The following CATIP variants were observed in gnomAD, a reference collection of about 807,000 sequenced individuals.
The protein encoded by CATIP is ciliogenesis associated TTC17 interacting protein, also known as ciliogenesis-associated TTC17-interacting protein.
A neutral mutation model predicts 42.5 loss-of-function variants in CATIP; 40 were observed. The ratio of observed to expected loss-of-function variants is 0.94; its 90% CI spans 0.73 to 1.22. The LOEUF is 1.22. Ranked by LOEUF, CATIP falls within the 50% of genes most tolerant of loss-of-function variation. The pLI is 0.00. For missense variants in CATIP, 489 were observed against 496.0 expected (o/e 0.99, Z 0.13); for synonymous variants, 222 against 200.2 (o/e 1.11, Z -0.92).
intron 5 of CATIP, among the ~76,000 whole-genome samples, chr2:218,361,820 A>C (rs1396604330): frequency 6.6e-6 from 1 of 152,114 alleles, no homozygotes; most frequent in Non-Finnish European, 1.5e-5. Context: ...TTCTTTCACA[A>C]TGTCCTCTTC....
chr2:218,366,336 G>T (rs2106318690), intron 7 of CATIP: 1 of 152,658 alleles, frequency 6.6e-6, no homozygotes, highest in East Asian at 1.9e-4. Flanking sequence ...TGTTGGCCAG[G>T]CTGGTCTCAA....
Position 218,364,736 on chromosome 2 carries a change from T to C in CATIP, c.739T>C (p.Tyr247His). ...GGGCATCCCCATGTCCTGCCAGTAC[T>C]ACCTGCTCTCCGATGGGTGAGCTGC... ...EEGIPMSCQY[Y>H]LLSDGHLAKR... The change falls in exon 7 of 10, where the codon TAC becomes CAC. Residue 247 changes from tyrosine to histidine, a missense_variant. Physicochemically the swap from Tyr to His is moderately conservative, Grantham distance 83 (BLOSUM62 2). Coordinates refer to ENST00000289388, the MANE Select transcript of CATIP (RefSeq NM_198559.2). 1 of 1,613,402 alleles carries C rather than the reference T, an allele frequency of 6.2e-7. No homozygotes were observed. Among genetic ancestry groups the C allele is most frequent in the East Asian group, 2.2e-5 (1 of 44,810 alleles).
In CATIP at chr2:218,360,557, A is replaced by G. The variant is rs1259682981; in HGVS notation, c.376-16A>G. On this transcript the variant is annotated splice_polypyrimidine_tract_variant and intron_variant, in intron 4 of 9. Coordinates refer to ENST00000289388, the MANE Select transcript of CATIP (RefSeq NM_198559.2). ...CAGGGAGTCCCTGATCCTCCCCCGC[A>G]TGCTCTGGCCCTCAGTTCCTCATCC... 2 of 1,609,236 alleles carry G rather than the reference A, an allele frequency of 1.2e-6. No individual in the cohort carries two copies. Among genetic ancestry groups the G allele is most frequent in the African/African-American group, 2.7e-5 (2 of 74,816 alleles).
At chr2:218,366,890 C>T (rs1695462005) in intron 7 of CATIP, 134 bp from the exon 8 acceptor site, 3 of 717,508 alleles carry the variant, frequency 4.2e-6, no homozygotes, top group South Asian at 3.0e-5. Flanking sequence ...ACCCTTATGA[C>T]TGCATGTAAA....
In CATIP at chr2:218,368,074, G is replaced by A; in HGVS notation, c.*110G>A. ...GGCTGCGGTTTTGGGGGAATAAATG[G>A]GGCCCTCCCGCTTCTCTGCAGCGCC... On this transcript the variant is annotated 3_prime_UTR_variant, in exon 10 of 10. Transcript: ENST00000289388. 1 of 1,284,544 alleles carries A rather than the reference G, an allele frequency of 7.8e-7. No homozygotes were observed. The highest frequency in any genetic ancestry group is 1.0e-6 in the Non-Finnish European group (1 of 971,118). The allele number at this position is 1,284,544 out of a possible 1,614,324, so 79.6% of individuals were successfully genotyped here.
Position 218,358,054 on chromosome 2 carries a change from C to G in CATIP, c.337C>G (p.Leu113Val). Reference protein sequence around the residue: ...NSLLGYLSEKLELMEQHSQDF... With the variant: ...NSLLGYLSEKVELMEQHSQDF... ...CACCCCAGGCTATCTCTCAGAGAAG[C>G]TGGAGCTCATGGAACAGCACAGCCA... The change falls in exon 4 of 10, where the codon CTG (leucine) becomes GTG (valine). Residue 113 changes from leucine to valine, a missense_variant. By Grantham distance (32) the Leu-to-Val change is conservative. Coordinates refer to ENST00000289388, the MANE Select transcript of CATIP (RefSeq NM_198559.2). 1.2e-6 allele frequency: 2 copies of G among 1,614,156 alleles called. No homozygotes were observed. Among genetic ancestry groups the G allele is most frequent in the Non-Finnish European group, 1.7e-6 (2 of 1,180,010 alleles).
chr2:218,360,868 T>C (rs907812839), intron 5 of CATIP, among the ~76,000 whole-genome samples: 1 of 151,094 alleles, frequency 6.6e-6, no homozygotes, highest in African/African-American at 2.4e-5. Flanking sequence ...TTCACATTTG[T>C]TGCAGAGGCT....
rs773646123 is a variant in CATIP at position 218,367,997 on chromosome 2, A to G, written c.*33A>G. On this transcript the variant is annotated 3_prime_UTR_variant, in exon 10 of 10. Transcript: ENST00000289388. ...CCAGGCCCGGACAGGGCAGGAAACC[A>G]GGGGTCGGGCTGGGACGCGGGCGGG... is the stretch of plus-strand genomic sequence containing the variant. 1 of 1,502,352 alleles carries G rather than the reference A, an allele frequency of 6.7e-7. No individual in the cohort carries two copies. The highest frequency in any genetic ancestry group is 8.8e-7 in the Non-Finnish European group (1 of 1,130,090). The allele number at this position is 1,502,352 out of a possible 1,614,324, so 93.1% of individuals were successfully genotyped here.
At position 218,364,706 on chromosome 2, in the gene CATIP, G is replaced by A; in HGVS notation, c.709G>A (p.Glu237Lys). ...CATCGTGGAGCAGACTGTCCACGCGGAGGAGGGCATCCCCATGTCCTGCCA... is the reference window on the plus strand; with the variant it reads ...CATCGTGGAGCAGACTGTCCACGCGAAGGAGGGCATCCCCATGTCCTGCCA... ...VFIVEQTVHAEEGIPMSCQYY... is the reference protein window; with the variant it reads ...VFIVEQTVHAKEGIPMSCQYY... Residue 237 changes from glutamate (E) to lysine (K), a missense_variant, in exon 7 of 10, where the codon GAG becomes AAG. Glu to Lys is a moderately conservative substitution (Grantham distance 56). Coordinates refer to ENST00000289388, the MANE Select transcript of CATIP (RefSeq NM_198559.2). 6.2e-7 allele frequency: 1 copy of A among 1,613,954 alleles called. No homozygotes were observed. The highest frequency in any genetic ancestry group is 1.1e-5 in the South Asian group (1 of 91,052).
intron 5 of CATIP, among the ~76,000 whole-genome samples, 170 bp downstream of exon 5, chr2:218,360,829 G>GTTT (rs779798449): frequency 2.2e-5 from 3 of 137,478 alleles, no homozygotes; most frequent in African/African-American, 8.4e-5. Context: ...GGCACAGCTT[G>GTTT]TTTTTTTTTT....
At chr2:218,362,963 G>T (rs1010205301) in intron 6 of CATIP, 61 bp downstream of exon 6, 9 of 1,506,774 alleles carry the variant, frequency 6.0e-6, no homozygotes, top group Non-Finnish European at 8.1e-6. Flanking sequence ...GGCGTGAAAA[G>T]CACTGAGATG....
At chr2:218,364,375 G>A (rs573070762) in intron 6 of CATIP, among the ~76,000 whole-genome samples, 40 of 151,846 alleles carry the variant, frequency 2.6e-4, no homozygotes, top group Non-Finnish European at 3.5e-4. Context: ...CCCGCATACC[G>A]CTTCTCATCC....
chr2:218,357,976 C>T, intron 3 of CATIP, 61 bp from the exon 4 acceptor site: 2 of 1,519,176 alleles, frequency 1.3e-6, no homozygotes, highest in Non-Finnish European at 1.8e-6. Flanking sequence ...ACCACCTTCC[C>T]TTCCTTCAGC....
intron 4 of CATIP, among the ~76,000 whole-genome samples, chr2:218,358,390 C>T (rs567513098): frequency 6.6e-6 from 1 of 151,628 alleles, no homozygotes; most frequent in Admixed American, 6.6e-5. Flanking sequence ...GCCAACATAG[C>T]GAAACCTCAT....
intron 1 of CATIP, 88 bp from the exon 2 acceptor site, chr2:218,357,007 G>A (rs1383671975): frequency 3.2e-6 from 5 of 1,576,358 alleles, no homozygotes; most frequent in African/African-American, 1.3e-5. Context: ...TTGGGTGCTG[G>A]GGCCAGGACT....
In CATIP at chr2:218,367,392, G is replaced by A. The variant is rs1695488387; in HGVS notation, c.833-38G>A. On this transcript the variant is annotated intron_variant, in intron 8 of 9. Coordinates refer to ENST00000289388, the MANE Select transcript of CATIP (RefSeq NM_198559.2). ...TCGCTGTGTATCCAAGGAAGGTTCC[G>A]GGGTAGGGACGCCCAGCCTTCCTTG... The A allele has an allele frequency of 3.8e-6, 6 of 1,581,716 alleles. 1 individual carries two copies. In the South Asian group the frequency reaches 4.4e-5, roughly 12 times the overall value.
At chr2:218,367,128 C>T (rs763691265) in intron 8 of CATIP, 28 bp downstream of exon 8, 12 of 1,570,894 alleles carry the variant, frequency 7.6e-6, no homozygotes, top group African/African-American at 1.4e-5. Flanking sequence ...CTTGTGCAGG[C>T]AGGGAGAGTT....
At chr2:218,363,291 T>C (rs1390293206) in intron 6 of CATIP, among the ~76,000 whole-genome samples, 7 of 144,378 alleles carry the variant, frequency 4.8e-5, no homozygotes, top group Non-Finnish European at 9.1e-5. Context: ...CCATCCTGGC[T>C]AACATGGTGA....
chr2:218,362,788 C>A lies in CATIP; in HGVS notation c.516C>A (p.Ile172=). Reference sequence around the variant, plus strand: ...CCTGGAGCTCAATCAAGGGCTTCATCTCAGAGGCTGCCAACCTGGTGCTGC... The same window carrying A: ...CCTGGAGCTCAATCAAGGGCTTCATATCAGAGGCTGCCAACCTGGTGCTGC... ...SFPWSSIKGF[I]SEAANLVLLR... is the part of the protein sequence containing the mutation. The change falls in exon 6 of 10, where the codon ATC becomes ATA. Residue 172 remains isoleucine, a synonymous_variant. Transcript: ENST00000289388. 2 of 1,614,168 alleles carry A rather than the reference C, an allele frequency of 1.2e-6. No individual in the cohort carries two copies. Among genetic ancestry groups the A allele is most frequent in the East Asian group, 4.5e-5 (2 of 44,882 alleles).
Sources: allele counts gnomAD v4.1 joint callset (sites outside exome capture counted in the v4.1 genomes callset), GRCh38; gene constraint gnomAD v4.1.1; transcripts MANE v1.5; gene names NCBI Gene and HGNC (gene_info 2026-07-23, HGNC 2026-07-21).